Variants in DNMT1 observed in about 807,000 individuals in gnomAD.
DNMT1 encodes the protein DNA methyltransferase 1.
A neutral mutation model predicts 205.3 loss-of-function variants in DNMT1; 24 were observed. The ratio of observed to expected loss-of-function variants is 0.12; its 90% CI spans 0.08 to 0.16. The LOEUF is 0.16. Among genes scored for constraint, DNMT1 ranks in the 10% least tolerant of loss-of-function variants. The pLI is 1.00. For missense variants in DNMT1, 1,293 were observed against 2,177.7 expected, an observed-to-expected ratio of 0.59 and a Z score of 8.09; for synonymous variants, 817 against 839.8, an observed-to-expected ratio of 0.97 and a Z score of 0.47.
rs1282776829 is a variant in DNMT1 at position 10,194,912 on chromosome 19, A to G, written c.-13T>C. ...TACGCGCCGGCATCTCGGAGGCTTC[A>G]GCAGACGCGGCGGCGGCAGCGCAGG... On this transcript the variant is annotated 5_prime_UTR_variant, in exon 1 of 41. Coordinates refer to ENST00000359526, the MANE Select transcript of DNMT1 (RefSeq NM_001130823.3). 6.2e-7 allele frequency: 1 copy of G among 1,602,112 alleles called. No individual in the cohort carries two copies. The highest frequency in any genetic ancestry group is 1.1e-5 in the South Asian group (1 of 90,136).
chr19:10,160,494 C>G (rs1228769101), intron 13 of DNMT1, 76 bp from the exon 14 acceptor site: 2 of 1,515,668 alleles, frequency 1.3e-6, no homozygotes, highest in African/African-American at 2.7e-5. Flanking sequence ...GTGTTAAGAA[C>G]TTTGTATAAG....
intron 29 of DNMT1, 146 bp downstream of exon 29, chr19:10,143,620 C>T (rs2089644577): frequency 1.1e-6 from 1 of 902,762 alleles, no homozygotes; most frequent in Non-Finnish European, 1.8e-6. Context: ...ATTATCAGTG[C>T]CCACCGATAA....
intron 5 of DNMT1, among the ~76,000 whole-genome samples, chr19:10,178,188 T>C (rs1174045990): frequency 6.9e-6 from 1 of 145,232 alleles, no homozygotes; most frequent in African/African-American, 2.6e-5. Flanking sequence ...ACCCAGGAGG[T>C]GGAGGTTGTG....
chr19:10,170,361 G>A (rs143093545), intron 9 of DNMT1, among the ~76,000 whole-genome samples: 313 of 151,906 alleles, frequency 2.1e-3, no homozygotes, highest in African/African-American at 6.9e-3. Context: ...TACAGCGGCC[G>A]GATGCAGTGG....
intron 1 of DNMT1, among the ~76,000 whole-genome samples, chr19:10,190,538 G>A (rs1005572865): frequency 5.3e-5 from 8 of 152,028 alleles, no homozygotes; most frequent in Admixed American, 5.3e-4. Flanking sequence ...TGAGGCAGGC[G>A]AATCACTTGA....
chr19:10,144,939 T>C (rs1446687082), intron 28 of DNMT1, among the ~76,000 whole-genome samples: 4 of 152,224 alleles, frequency 2.6e-5, no homozygotes, highest in African/African-American at 7.2e-5. Context: ...GAGACAGGTA[T>C]GTCGGCCAGG....
chr19:10,172,203 A>G (rs904976287), intron 9 of DNMT1, among the ~76,000 whole-genome samples: 3 of 151,132 alleles, frequency 2.0e-5, no homozygotes, highest in African/African-American at 7.3e-5. Flanking sequence ...ATCACCTGAG[A>G]TTGGGAGTTC....
At position 10,146,496 on chromosome 19, in the gene DNMT1, C is replaced by T. The variant is rs753467933; in HGVS notation, c.2749G>A (p.Glu917Lys). ...KFCVSCARLAEMRQKEIPRVL... is the reference protein window; with the variant it reads ...KFCVSCARLAKMRQKEIPRVL... ...CTGGGGATTTCTTTTTGCCTCATCT[C>T]AGCCAGACGGGCACAGCTCACACAG... is the stretch of plus-strand genomic sequence containing the variant. Residue 917 changes from glutamate to lysine, a missense_variant, in exon 28 of 41, where the codon GAG (glutamate) becomes AAG (lysine). By Grantham distance (56) the Glu-to-Lys change is moderately conservative. Coordinates refer to ENST00000359526, the MANE Select transcript of DNMT1 (RefSeq NM_001130823.3). This position sits in a 1 kb window ranked among gnomAD's most constrained non-coding sequence, Gnocchi z 4.4. 1 of 1,614,112 alleles carries T rather than the reference C, an allele frequency of 6.2e-7. No homozygotes were observed. The highest frequency in any genetic ancestry group is 2.2e-5 in the East Asian group (1 of 44,882).
chr19:10,134,781 C>A (rs1302881000), intron 39 of DNMT1, among the ~76,000 whole-genome samples: 1 of 151,122 alleles, frequency 6.6e-6, no homozygotes, highest in Non-Finnish European at 1.5e-5. Context: ...TCACTTGAAC[C>A]CTGGAGGTGG....
intron 1 of DNMT1, among the ~76,000 whole-genome samples, chr19:10,193,120 A>G (rs1246190006): frequency 1.3e-5 from 2 of 152,058 alleles, no homozygotes; most frequent in African/African-American, 2.4e-5. Flanking sequence ...TTGGGACACA[A>G]AGGCAGGAGG....
rs777087948 is a variant in DNMT1 at position 10,191,284 on chromosome 19, T to TA, written c.80+3535dup. ...CCACAGAGCAAGACCCTGCCTCAAT[T>TA]AAAAAAAAAAAAAAATCTAAGTTTC... On this transcript the variant is annotated intron_variant, in intron 1 of 40. Coordinates refer to ENST00000359526, the MANE Select transcript of DNMT1 (RefSeq NM_001130823.3). Among the ~76,000 whole-genome samples the TA allele has an allele frequency of 5.9e-3, 759 of 128,820 alleles. 1 individual carries two copies. The highest frequency in any genetic ancestry group is 0.011 in the African/African-American group (374 of 34,824). The allele number at this position is 128,820 out of a possible 152,430, so 84.5% of individuals were successfully genotyped here.
chr19:10,173,242 T>C lies in DNMT1; in HGVS notation c.684-68A>G. ...AGCTTCCCCAAAGAAGCAGTTTTCA[T>C]AAAGCTCCTCTTTCCCCCAAAAGCA... On this transcript the variant is annotated intron_variant, in intron 8 of 40. Transcript: ENST00000359526. 6 of 1,512,982 alleles carry C rather than the reference T, an allele frequency of 4.0e-6. No homozygotes were observed. The South Asian group carries it at 6.8e-5, about 17-fold the overall frequency. The allele number at this position is 1,512,982 out of a possible 1,614,324, so 93.7% of individuals were successfully genotyped here.
chr19:10,156,675 T>C lies in DNMT1; in HGVS notation c.1281-166A>G, dbSNP rs987900107. On this transcript the variant is annotated intron_variant, in intron 17 of 40. Coordinates refer to ENST00000359526, the MANE Select transcript of DNMT1 (RefSeq NM_001130823.3). This position sits in a 1 kb window ranked among gnomAD's most constrained non-coding sequence, Gnocchi z 4.2. The stretch of plus-strand genomic sequence containing the variant: ...CTCTATCCCTCAGGCTGGAGCGCGA[T>C]GGCATAATCTTGGCTCACTGCAGCC... Among the ~76,000 whole-genome samples, 2 of 152,188 alleles carry C rather than the reference T, an allele frequency of 1.3e-5. No individual in the cohort carries two copies. Among genetic ancestry groups the C allele is most frequent in the African/African-American group, 4.8e-5 (2 of 41,448 alleles).
At chr19:10,162,637 A>T in intron 13 of DNMT1, 30 bp downstream of exon 13, 1 of 1,557,616 alleles carries the variant, frequency 6.4e-7, no homozygotes, top group East Asian at 2.3e-5. Context: ...AAAAAAAAAA[A>T]AAAGAAAGAA....
chr19:10,146,153 G>A lies in DNMT1; in HGVS notation c.2894+198C>T, dbSNP rs528470503. 1.3e-5 allele frequency among the ~76,000 whole-genome samples: 2 copies of A among 152,054 alleles called. No individual in the cohort carries two copies. The highest frequency in any genetic ancestry group is 2.9e-5 in the Non-Finnish European group (2 of 67,974). On this transcript the variant is annotated intron_variant, in intron 28 of 40. Coordinates refer to ENST00000359526, the MANE Select transcript of DNMT1 (RefSeq NM_001130823.3). The surrounding 1 kb of genome is among the most constrained non-coding windows in gnomAD (Gnocchi z 4.4). ...GCCAAACCAGCGAGTTGACTTTTAC[G>A]CTCAGCTTTGCTCTGCAATAGCATC... is the stretch of plus-strand genomic sequence containing the variant.
Position 10,133,924 on chromosome 19 carries a change from G to A in DNMT1, c.4865-223C>T, listed in dbSNP as rs1435273614. Among the ~76,000 whole-genome samples, 2 of 152,244 alleles carry A rather than the reference G, an allele frequency of 1.3e-5. No individual in the cohort carries two copies. The highest frequency in any genetic ancestry group is 3.8e-4 in the East Asian group (2 of 5,198). On this transcript the variant is annotated intron_variant, in intron 40 of 40. Transcript: ENST00000359526. The surrounding 1 kb of genome is among the most constrained non-coding windows in gnomAD (Gnocchi z 4.1). Reference sequence around the variant, plus strand: ...CCAGAGGCTCAAGTGAGCAGCTGAGGCAGGTGCCTGCTGAGCCAAATTCAC... The same window carrying A: ...CCAGAGGCTCAAGTGAGCAGCTGAGACAGGTGCCTGCTGAGCCAAATTCAC...
chr19:10,173,178 T>C lies in DNMT1; in HGVS notation c.684-4A>G, dbSNP rs532773830. 2 of 1,614,158 alleles carry C rather than the reference T, an allele frequency of 1.2e-6. No homozygotes were observed. The highest frequency in any genetic ancestry group is 2.7e-5 in the African/African-American group (2 of 75,058). On this transcript the variant is annotated splice_polypyrimidine_tract_variant and splice_region_variant and intron_variant, in intron 8 of 40. Transcript: ENST00000359526. Reference sequence around the variant, plus strand: ...TGCAGGAAGCGGTCTAGCAACTCTGTCAAGCAAAATAACACAGACCCCAAG... The same window carrying C: ...TGCAGGAAGCGGTCTAGCAACTCTGCCAAGCAAAATAACACAGACCCCAAG...
chr19:10,141,707 C>G (rs1599348702), intron 30 of DNMT1: 1 of 380,162 alleles, frequency 2.6e-6, no homozygotes, highest in East Asian at 5.5e-5. Flanking sequence ...AGACACCAGT[C>G]AGGCTGGTGG....
At chr19:10,153,178 G>A (rs1227483199) in intron 22 of DNMT1, among the ~76,000 whole-genome samples, 3 of 152,278 alleles carry the variant, frequency 2.0e-5, no homozygotes, top group South Asian at 2.1e-4. Context: ...ACACTCGCGA[G>A]AAGCTTTGCT....
Sources: allele counts gnomAD v4.1 joint callset (sites outside exome capture counted in the v4.1 genomes callset), GRCh38; gene constraint gnomAD v4.1.1; non-coding constraint Gnocchi (gnomAD v3.1); transcripts MANE v1.5; gene names NCBI Gene and HGNC (gene_info 2026-07-23, HGNC 2026-07-21).